The following PRKCZ variants were observed in gnomAD, a reference collection of about 807,000 sequenced individuals.
PRKCZ encodes protein kinase C zeta type.
A neutral mutation model predicts 79.5 loss-of-function variants in PRKCZ; 33 were observed. That is an observed-to-expected ratio of 0.41 (90% CI 0.31 to 0.55). PRKCZ has a LOEUF of 0.55. Ranked by LOEUF, PRKCZ falls within the 20% of genes least tolerant of loss-of-function variation. The pLI is 0.19. For missense variants in PRKCZ, 578 were observed against 813.5 expected, an observed-to-expected ratio of 0.71 and a Z score of 3.52; for synonymous variants, 342 against 320.9, an observed-to-expected ratio of 1.07 and a Z score of -0.70.
intron 4 of PRKCZ, among the ~76,000 whole-genome samples, chr1:2,091,175 G>A (rs1665428448): frequency 6.6e-6 from 1 of 152,112 alleles, no homozygotes. Context: ...GGGATTACAG[G>A]CGCTTGCCAC....
At position 2,166,239 on chromosome 1, in the gene PRKCZ, C is replaced by T. The variant is rs146226416; in HGVS notation, c.975-3279C>T. 1.1e-3 allele frequency among the ~76,000 whole-genome samples: 163 copies of T among 152,180 alleles called. 1 individual carries two copies. Among genetic ancestry groups the T allele is most frequent in the African/African-American group, 3.8e-3 (159 of 41,518 alleles). On this transcript the variant is annotated intron_variant, in intron 10 of 17. Transcript: ENST00000378567. The stretch of plus-strand genomic sequence containing the variant: ...TTCAAGACCAGCCTGGGAAATATCT[C>T]GAGACCCTTTCTCTACAAAAAATTT...
At chr1:2,147,895 CT>C (rs1280327536) in intron 7 of PRKCZ, among the ~76,000 whole-genome samples, 1 of 152,016 alleles carries the variant, frequency 6.6e-6, no homozygotes, top group Non-Finnish European at 1.5e-5. Context: ...GTCCACTGAC[CT>C]CTCCATCTTT....
intron 5 of PRKCZ, chr1:2,141,907 G>A: frequency 9.3e-6 from 3 of 322,742 alleles, no homozygotes; most frequent in South Asian, 4.8e-5. Context: ...GCATCCAGCA[G>A]CCGAAGCGCC....
chr1:2,181,811 T>C (rs1309519098), intron 16 of PRKCZ: 1 of 455,694 alleles, frequency 2.2e-6, no homozygotes, highest in Admixed American at 2.3e-5. Context: ...GAAATGCCCC[T>C]TTTTCACATT....
intron 4 of PRKCZ, among the ~76,000 whole-genome samples, chr1:2,088,513 C>T (rs1288371675): frequency 1.3e-5 from 2 of 152,188 alleles, no homozygotes; most frequent in African/African-American, 4.8e-5. Flanking sequence ...ACGGCTGTGG[C>T]GAGTGATTGC....
intron 3 of PRKCZ, among the ~76,000 whole-genome samples, chr1:2,058,035 T>C (rs980128310): frequency 6.6e-6 from 1 of 151,934 alleles, no homozygotes; most frequent in Non-Finnish European, 1.5e-5. Flanking sequence ...GCCTGGCTAA[T>C]GTTTTGTATT....
intron 4 of PRKCZ, among the ~76,000 whole-genome samples, chr1:2,109,710 C>T (rs559007782): frequency 3.3e-5 from 5 of 152,258 alleles, no homozygotes; most frequent in East Asian, 1.9e-4. Flanking sequence ...ACCTCATTTA[C>T]GGGGTCGGGC....
intron 4 of PRKCZ, among the ~76,000 whole-genome samples, chr1:2,063,845 C>CTTTTT (rs551194608): frequency 3.2e-5 from 4 of 124,500 alleles, no homozygotes; most frequent in African/African-American, 3.0e-5. Flanking sequence ...TTGGCCATTT[C>CTTTTT]TTTTTTTTTT....
intron 4 of PRKCZ, among the ~76,000 whole-genome samples, chr1:2,096,610 C>T (rs1231788796): frequency 2.0e-5 from 3 of 152,158 alleles, no homozygotes; most frequent in Non-Finnish European, 4.4e-5. Context: ...CTCCCCGTGG[C>T]GTGGCATGGA....
At chr1:2,155,698 G>T (rs1337971713) in intron 9 of PRKCZ, among the ~76,000 whole-genome samples, 2 of 151,190 alleles carry the variant, frequency 1.3e-5, no homozygotes, top group Non-Finnish European at 3.0e-5. Flanking sequence ...TGACAATGAT[G>T]ACGGTAATGG....
intron 4 of PRKCZ, among the ~76,000 whole-genome samples, chr1:2,099,291 C>T (rs894826584): frequency 2.6e-5 from 4 of 152,228 alleles, no homozygotes; most frequent in South Asian, 2.1e-4. Flanking sequence ...CTCAGTGTGA[C>T]GTCTGAGACC....
At chr1:2,055,385 T>A in intron 1 of PRKCZ, 56 bp from the exon 2 acceptor site, 1 of 1,531,452 alleles carries the variant, frequency 6.5e-7, no homozygotes, top group Non-Finnish European at 8.8e-7. Context: ...AATCATTTTT[T>A]AATTTGATTC....
At position 2,050,428 on chromosome 1, in the gene PRKCZ, C is replaced by G. The variant is rs537180486; in HGVS notation, c.-203C>G. 5.3e-6 allele frequency: 1 copy of G among 189,408 alleles called. No homozygotes were observed. The highest frequency in any genetic ancestry group is 2.4e-5 in the African/African-American group (1 of 42,080). 11.7% of individuals were successfully genotyped at this position (189,408 alleles called of 1,614,324 possible). A position where few individuals can be genotyped will look rare whatever the true frequency, so the allele number is the denominator to read the frequency against. On this transcript the variant is annotated 5_prime_UTR_variant, in exon 1 of 18. Transcript: ENST00000378567. Reference sequence around the variant, plus strand: ...TCCGCCATGTTCGGACACCGCCCCCCGCCCCCGCCGGACGGTCCCGCCCCG... The same window carrying G: ...TCCGCCATGTTCGGACACCGCCCCCGGCCCCCGCCGGACGGTCCCGCCCCG...
intron 4 of PRKCZ, among the ~76,000 whole-genome samples, chr1:2,105,303 G>A (rs1668189285): frequency 6.6e-6 from 1 of 152,232 alleles, no homozygotes; most frequent in South Asian, 2.1e-4. Context: ...CGCAACTCTT[G>A]AAAGGCCCTG....
chr1:2,121,666 T>TCA (rs1672021676), intron 4 of PRKCZ, among the ~76,000 whole-genome samples: 2 of 136,068 alleles, frequency 1.5e-5, no homozygotes, highest in African/African-American at 6.0e-5. Flanking sequence ...GTGGTTAGGG[T>TCA]CGTGGTGGTG....
intron 4 of PRKCZ, among the ~76,000 whole-genome samples, chr1:2,103,464 G>A (rs1235078850): frequency 6.6e-6 from 1 of 152,162 alleles, no homozygotes; most frequent in Non-Finnish European, 1.5e-5. Flanking sequence ...GGGAAGGCCT[G>A]GGAGGGGGAC....
intron 4 of PRKCZ, chr1:2,073,528 C>G: frequency 1.4e-6 from 1 of 734,072 alleles, no homozygotes. Context: ...TTTTCAAGGT[C>G]CGCTGAGTCC....
In PRKCZ at chr1:2,184,736, C is replaced by T. The variant is rs185563823; in HGVS notation, c.1691+38C>T. On this transcript the variant is annotated intron_variant, in intron 17 of 17. Coordinates refer to ENST00000378567, the MANE Select transcript of PRKCZ (RefSeq NM_002744.6). ...GGGTGCGGGTCCCTGGAGCACCCCT[C>T]GGGCAGCCCCATGGCAGGCCGGCAC... The T allele has an allele frequency of 1.8e-3, 2,760 of 1,573,884 alleles. 5 individuals are homozygous for T. Among genetic ancestry groups the T allele is most frequent in the African/African-American group, 0.011 (824 of 73,990 alleles).
Position 2,107,309 on chromosome 1 carries a change from C to T in PRKCZ, c.335-27953C>T, listed in dbSNP as rs930588312. Among the ~76,000 whole-genome samples, 33 of 152,236 alleles carry T rather than the reference C, an allele frequency of 2.2e-4. 1 individual carries two copies. Among genetic ancestry groups the T allele is most frequent in the African/African-American group, 8.0e-4 (33 of 41,464 alleles). ...ACACTGAGGCGGGATTGCGTCCTCC[C>T]TCTCCTGAGGCAGGTCCTGCTCCAG... On this transcript the variant is annotated intron_variant, in intron 4 of 17. Transcript: ENST00000378567.
Sources: gnomAD v4.1 joint callset for allele counts (sites outside exome capture counted in the v4.1 genomes callset) on GRCh38, gnomAD v4.1.1 for gene constraint, MANE v1.5 for transcripts, NCBI Gene and HGNC (gene_info 2026-07-23, HGNC 2026-07-21) for gene names.